The following CNDP2 variants were observed in gnomAD, a reference collection of about 807,000 sequenced individuals.
CNDP2 encodes cytosolic non-specific dipeptidase.
A neutral mutation model predicts 55.0 loss-of-function variants in CNDP2; 38 were observed. The ratio of observed to expected loss-of-function variants is 0.69; its 90% confidence interval spans 0.53 to 0.90. The LOEUF (loss-of-function observed/expected upper bound fraction) is 0.90, where lower values mean the gene tolerates loss of function less well. Among genes scored for constraint, CNDP2 ranks in the 40% least tolerant of loss-of-function variants. CNDP2 has a pLI of 0.00. For missense variants in CNDP2, 607 were observed against 621.7 expected, an observed-to-expected ratio of 0.98 and a Z score of 0.25; for synonymous variants, 241 against 260.2, an observed-to-expected ratio of 0.93 and a Z score of 0.71.
At chr18:74,500,907 A>G (rs566784159) in intron 2 of CNDP2, among the ~76,000 whole-genome samples, 33 of 152,316 alleles carry the variant, frequency 2.2e-4, no homozygotes, top group Middle Eastern at 3.4e-3. Context: ...AGAGAAACAG[A>G]ACAGGGCAGG....
At chr18:74,514,370 A>G (rs937890591) in intron 8 of CNDP2, among the ~76,000 whole-genome samples, 17 of 138,186 alleles carry the variant, frequency 1.2e-4, no homozygotes, top group African/African-American at 3.8e-4. Flanking sequence ...TATGCGGTAC[A>G]GATGTAAGTT....
intron 5 of CNDP2, among the ~76,000 whole-genome samples, chr18:74,510,305 A>G (rs1292538007): frequency 6.6e-6 from 1 of 152,120 alleles, no homozygotes; most frequent in African/African-American, 2.4e-5. Flanking sequence ...TTCACGCACA[A>G]CCTCATTTTT....
At chr18:74,497,520 C>T (rs1057251780) in intron 1 of CNDP2, 2 of 152,184 alleles carry the variant, frequency 1.3e-5, no homozygotes, top group African/African-American at 2.4e-5. Flanking sequence ...CATGGTGGCT[C>T]ATGTGTGTAA....
chr18:74,500,612 A>C (rs1035107824), intron 2 of CNDP2, among the ~76,000 whole-genome samples: 1 of 152,264 alleles, frequency 6.6e-6, no homozygotes, highest in African/African-American at 2.4e-5. Context: ...ATTGTTAAAA[A>C]TAAACCATGT....
chr18:74,516,453 G>C lies in CNDP2; in HGVS notation c.1068+61G>C. ...GCTACTGTGTCCGGGCAGAGACTTG[G>C]GTAATATAGGCTGTTACTCGACAGA... On this transcript the variant is annotated intron_variant, in intron 9 of 11. Coordinates refer to ENST00000324262, the MANE Select transcript of CNDP2 (RefSeq NM_018235.3). 6 of 1,488,730 alleles carry C rather than the reference G, an allele frequency of 4.0e-6. No homozygotes were observed. The South Asian group carries it at 7.8e-5, about 19-fold the overall frequency. The allele number at this position is 1,488,730 out of a possible 1,614,324, so 92.2% of individuals were successfully genotyped here. A position where few individuals can be genotyped will look rare whatever the true frequency, so the allele number is the denominator to read the frequency against.
chr18:74,501,342 G>A lies in CNDP2; in HGVS notation c.74G>A (p.Trp25Ter). ...QDRYIKKLAK[W>*]VAIQSVSAWP... ...GTCCACAAACAGAAACTCGCAAAAT[G>A]GGTGGCTATCCAGAGTGTGTCTGCG... The change falls in exon 3 of 12, where the codon TGG (tryptophan) becomes TAG (stop). Residue 25 changes from tryptophan (W) to a stop codon, truncating the protein, a stop_gained. Coordinates refer to ENST00000324262, the MANE Select transcript of CNDP2 (RefSeq NM_018235.3). LOFTEE classifies it high-confidence loss of function. The A allele has an allele frequency of 6.2e-7, 1 of 1,612,680 alleles. No homozygotes were observed. Among genetic ancestry groups the A allele is most frequent in the Non-Finnish European group, 8.5e-7 (1 of 1,179,464 alleles).
intron 1 of CNDP2, among the ~76,000 whole-genome samples, chr18:74,496,658 G>A (rs1023579065): frequency 1.3e-5 from 2 of 152,144 alleles, no homozygotes; most frequent in African/African-American, 4.8e-5. Context: ...CGCACCTCCG[G>A]GCCACTCGTG....
intron 6 of CNDP2, among the ~76,000 whole-genome samples, chr18:74,511,702 C>T (rs1979362299): frequency 7.2e-6 from 1 of 139,510 alleles, no homozygotes; most frequent in Non-Finnish European, 1.6e-5. Context: ...AGCGAGACTC[C>T]ACTTCAAAAA....
At chr18:74,518,838 C>T in intron 10 of CNDP2, 111 bp from the exon 11 acceptor site, 1 of 1,513,198 alleles carries the variant, frequency 6.6e-7, no homozygotes, top group African/African-American at 1.4e-5. Flanking sequence ...GCTTGCTGTC[C>T]CCAGGGCCTT....
In CNDP2 at chr18:74,510,038, C is replaced by G. The variant is rs538394037; in HGVS notation, c.457-775C>G. ...CCCCAACCTCTGGCCCCGTGGAGCC[C>G]TCAGCCTCAGCTGCAGTGGAGGCAC... On this transcript the variant is annotated intron_variant, in intron 5 of 11. Transcript: ENST00000324262. Among the ~76,000 whole-genome samples, 12 of 152,310 alleles carry G rather than the reference C, an allele frequency of 7.9e-5. No homozygotes were observed. The South Asian group carries it at 2.3e-3, about 29-fold the overall frequency.
At chr18:74,511,063 C>T (rs758625244) in intron 6 of CNDP2, 50 bp downstream of exon 6, 15 of 1,515,338 alleles carry the variant, frequency 9.9e-6, no homozygotes, top group East Asian at 6.8e-5. Flanking sequence ...CTGAATCTCC[C>T]GGTTCTCCCA....
rs563291263 is a variant in CNDP2, at chr18:74,505,733, A to G, written c.205-116A>G. 11 of 1,096,510 alleles carry G rather than the reference A, an allele frequency of 1.0e-5. No homozygotes were observed. The African/African-American group carries it at 1.6e-4, about 16-fold the overall frequency. The allele number at this position is 1,096,510 out of a possible 1,614,324, so 67.9% of individuals were successfully genotyped here. A position where few individuals can be genotyped will look rare whatever the true frequency, so the allele number is the denominator to read the frequency against. Reference sequence around the variant, plus strand: ...ACAGTGTGCTCTTAAACTCTACAATAGAGGTTGATTGATAAGGACAGATAA... The same window carrying G: ...ACAGTGTGCTCTTAAACTCTACAATGGAGGTTGATTGATAAGGACAGATAA... On this transcript the variant is annotated intron_variant, in intron 3 of 11. Transcript: ENST00000324262.
At position 74,499,943 on chromosome 18, in the gene CNDP2, C is replaced by G; in HGVS notation, c.-31C>G. ...AGTTGCTCTTCCTTCCAAGAACCTTCGAGATCTGCGGTCTGGGGTCTGGTT... is the reference window on the plus strand; with the variant it reads ...AGTTGCTCTTCCTTCCAAGAACCTTGGAGATCTGCGGTCTGGGGTCTGGTT... On this transcript the variant is annotated 5_prime_UTR_variant, in exon 2 of 12. Coordinates refer to ENST00000324262, the MANE Select transcript of CNDP2 (RefSeq NM_018235.3). 1 of 1,610,048 alleles carries G rather than the reference C, an allele frequency of 6.2e-7. No homozygotes were observed. Among genetic ancestry groups the G allele is most frequent in the Non-Finnish European group, 8.5e-7 (1 of 1,176,554 alleles).
chr18:74,501,426 A>T lies in CNDP2; in HGVS notation c.158A>T (p.Lys53Met). 6.2e-7 allele frequency: 1 copy of T among 1,614,150 alleles called. No homozygotes were observed. The highest frequency in any genetic ancestry group is 8.5e-7 in the Non-Finnish European group (1 of 1,180,012). Residue 53 changes from lysine to methionine, a missense_variant, in exon 3 of 12, where the codon AAG becomes ATG. Physicochemically the swap from Lys to Met is moderately conservative, Grantham distance 95. Transcript: ENST00000324262. ...RMMEVAAADV[K>M]QLGGSVELVD... ...ATGGAAGTTGCTGCTGCAGATGTTA[A>T]GCAGTTGGGGGGCTCTGTGGAACTG...
At chr18:74,506,204 A>G (rs937775599) in intron 4 of CNDP2, among the ~76,000 whole-genome samples, 193 bp downstream of exon 4, 2 of 152,120 alleles carry the variant, frequency 1.3e-5, no homozygotes, top group African/African-American at 4.8e-5. Context: ...CAAGATCTCA[A>G]TTCACTGCAA....
chr18:74,503,659 G>A (rs1978836267), intron 3 of CNDP2, among the ~76,000 whole-genome samples: 1 of 152,272 alleles, frequency 6.6e-6, no homozygotes, highest in Non-Finnish European at 1.5e-5. Context: ...AAAGCCATGG[G>A]TTCCCTGGGA....
At chr18:74,515,588 G>C (rs1158979706) in intron 8 of CNDP2, among the ~76,000 whole-genome samples, 1 of 152,190 alleles carries the variant, frequency 6.6e-6, no homozygotes, top group Non-Finnish European at 1.5e-5. Context: ...AGCCCCCTTT[G>C]GGGGCACACC....
Position 74,522,288 on chromosome 18 carries a change from A to G in CNDP2, c.*2220A>G, listed in dbSNP as rs555024546. The G allele has an allele frequency of 2.6e-5, 4 of 152,282 alleles. No homozygotes were observed. The South Asian group carries it at 6.2e-4, about 24-fold the overall frequency. 9.4% of individuals were successfully genotyped at this position (152,282 alleles called of 1,614,324 possible). A position where few individuals can be genotyped will look rare whatever the true frequency, so the allele number is the denominator to read the frequency against. On this transcript the variant is annotated 3_prime_UTR_variant, in exon 12 of 12. Coordinates refer to ENST00000324262, the MANE Select transcript of CNDP2 (RefSeq NM_018235.3). ...TATCTGGGCTTGTGGCTCCAACTCAACTCCTCCATCAGAACTGTGAGAAAT... is the reference window on the plus strand; with the variant it reads ...TATCTGGGCTTGTGGCTCCAACTCAGCTCCTCCATCAGAACTGTGAGAAAT...
chr18:74,511,569 G>A (rs930320563), intron 6 of CNDP2, among the ~76,000 whole-genome samples: 2 of 152,150 alleles, frequency 1.3e-5, no homozygotes, highest in Non-Finnish European at 2.9e-5. Context: ...TTAGCCAGGT[G>A]TGGTGGCAGG....
Sources: allele counts gnomAD v4.1 joint callset (sites outside exome capture counted in the v4.1 genomes callset), GRCh38; gene constraint gnomAD v4.1.1; transcripts MANE v1.5; gene names NCBI Gene and HGNC (gene_info 2026-07-23, HGNC 2026-07-21).